Variants in FRMD6 observed in about 807,000 individuals in gnomAD.
FRMD6 encodes FERM domain-containing protein 6.
FRMD6 carries 37 observed loss-of-function variants against 73.2 expected under a neutral mutation model. The observed-to-expected ratio is 0.51, with a 90% CI of 0.39 to 0.66. FRMD6 has a LOEUF of 0.66. FRMD6 is among the 30% of genes least tolerant of loss of function. The pLI is 0.00. For synonymous variants in FRMD6, 273 were observed against 282.2 expected, an observed-to-expected ratio of 0.97 and a Z score of 0.33; for missense variants, 714 against 780.5, an observed-to-expected ratio of 0.91 and a Z score of 1.02.
chr14:51,489,213 A>G (rs138058786), exon 1 of FRMD6: 1 of 152,242 alleles, frequency 6.6e-6, no homozygotes, highest in Non-Finnish European at 1.5e-5. Flanking sequence ...TTTCTCTCCA[A>G]ACATTCTTCC....
chr14:51,437,772 A>T, the FRMD6 span, among the ~76,000 whole-genome samples: 1 of 152,162 alleles, frequency 6.6e-6, no homozygotes, highest in South Asian at 2.1e-4. Flanking sequence ...AATACAATGG[A>T]AAAAGTGTCT....
At chr14:51,446,434 T>G in the FRMD6 span, among the ~76,000 whole-genome samples, 2 of 16,558 alleles carry the variant, frequency 1.2e-4, no homozygotes, top group African/African-American at 5.8e-4. Flanking sequence ...GTAGTCCTTC[T>G]CTCTTGTGTA....
chr14:51,477,438 C>G, the FRMD6 span, among the ~76,000 whole-genome samples: 1 of 152,002 alleles, frequency 6.6e-6, no homozygotes, highest in Non-Finnish European at 1.5e-5. Context: ...TTTTAATTTG[C>G]AGCCCCATTG....
Position 51,715,517 on chromosome 14 carries a change from G to A in FRMD6, c.1024+18G>A. ...AAACGAAGGTATTGCAGGGTCTGGG[G>A]TGTGGAAGCAAATTGTACCTTTGCC... On this transcript the variant is annotated intron_variant, in intron 10 of 13. Coordinates refer to ENST00000344768, the MANE Select transcript of FRMD6 (RefSeq NM_001267046.2). The A allele has an allele frequency of 6.4e-7, 1 of 1,574,408 alleles. No individual in the cohort carries two copies. The highest frequency in any genetic ancestry group is 8.6e-7 in the Non-Finnish European group (1 of 1,157,756).
At chr14:51,627,480 G>C (rs1200947326) in intron 2 of FRMD6, among the ~76,000 whole-genome samples, 2 of 152,156 alleles carry the variant, frequency 1.3e-5, no homozygotes, top group African/African-American at 4.8e-5. Flanking sequence ...GTGACTGAGG[G>C]ACCAAGAGAT....
At chr14:51,685,363 A>G (rs984998870) in intron 1 of FRMD6, among the ~76,000 whole-genome samples, 2 of 152,188 alleles carry the variant, frequency 1.3e-5, no homozygotes, top group Non-Finnish European at 2.9e-5. Flanking sequence ...CATCAACTCT[A>G]TCAAGTACTC....
chr14:51,624,150 G>T (rs1234270275), intron 2 of FRMD6, among the ~76,000 whole-genome samples: 1 of 152,102 alleles, frequency 6.6e-6, no homozygotes. Context: ...CTACCAGAGG[G>T]CAGGGGATGG....
intron 1 of FRMD6, among the ~76,000 whole-genome samples, chr14:51,675,709 C>A (rs973643762): frequency 1.3e-5 from 2 of 151,958 alleles, no homozygotes; most frequent in Non-Finnish European, 2.9e-5. Flanking sequence ...GTAGGTTGTG[C>A]TTTTGATCTT....
chr14:51,413,373 T>A, the FRMD6 span, among the ~76,000 whole-genome samples: 1 of 152,174 alleles, frequency 6.6e-6, no homozygotes, highest in East Asian at 1.9e-4. Flanking sequence ...AGTGTTCTCA[T>A]TGTTCAGTTC....
chr14:51,406,238 T>A, the FRMD6 span, among the ~76,000 whole-genome samples: 1 of 152,202 alleles, frequency 6.6e-6, no homozygotes, highest in Non-Finnish European at 1.5e-5. Context: ...AGCCCTGTAG[T>A]ATAGTTTGAT....
intron 1 of FRMD6, among the ~76,000 whole-genome samples, chr14:51,535,847 T>C (rs1160657975): frequency 3.3e-5 from 5 of 152,054 alleles, no homozygotes. Flanking sequence ...CACATCCTTG[T>C]CTACACTTAT....
At chr14:51,567,397 A>C (rs984925242) in intron 1 of FRMD6, among the ~76,000 whole-genome samples, 1 of 152,250 alleles carries the variant, frequency 6.6e-6, no homozygotes. Flanking sequence ...CCCAGACTGG[A>C]GTACAGTGGA....
At chr14:51,569,558 C>T (rs1441979984) in intron 1 of FRMD6, among the ~76,000 whole-genome samples, 3 of 137,498 alleles carry the variant, frequency 2.2e-5, no homozygotes, top group African/African-American at 2.7e-5. Context: ...GGCTGGCGTG[C>T]AGTGGTGTGA....
the FRMD6 span, among the ~76,000 whole-genome samples, chr14:51,444,875 C>T: frequency 1.2e-4 from 19 of 152,120 alleles, no homozygotes; most frequent in African/African-American, 3.6e-4. Flanking sequence ...CCATCTGGCC[C>T]GAGATGAAGC....
intron 1 of FRMD6, among the ~76,000 whole-genome samples, chr14:51,566,174 C>A (rs547980793): frequency 6.6e-6 from 1 of 152,220 alleles, no homozygotes; most frequent in African/African-American, 2.4e-5. Context: ...CAAGACAAAG[C>A]CCACTGGGCT....
At chr14:51,411,628 T>C in the FRMD6 span, among the ~76,000 whole-genome samples, 1 of 152,206 alleles carries the variant, frequency 6.6e-6, no homozygotes, top group African/African-American at 2.4e-5. Context: ...TATGCACCCA[T>C]GGTTTGATAA....
At chr14:51,721,820 A>G (rs373099398) in intron 11 of FRMD6, 129 bp from the exon 12 acceptor site, 7 of 984,614 alleles carry the variant, frequency 7.1e-6, no homozygotes, top group South Asian at 4.9e-5. Flanking sequence ...GGAGTTTCCT[A>G]TTGGAGTCTC....
intron 2 of FRMD6, among the ~76,000 whole-genome samples, chr14:51,596,130 G>C (rs1414175678): frequency 6.6e-6 from 1 of 152,160 alleles, no homozygotes; most frequent in African/African-American, 2.4e-5. Context: ...CACAGCCTGG[G>C]ACTGAGTGAC....
At chr14:51,680,739 A>G (rs1170795638) in intron 1 of FRMD6, among the ~76,000 whole-genome samples, 1 of 147,054 alleles carries the variant, frequency 6.8e-6, no homozygotes, top group African/African-American at 2.6e-5. Flanking sequence ...GATGTGCTCA[A>G]TAAACGTTTA....
Sources: allele counts gnomAD v4.1 joint callset (sites outside exome capture counted in the v4.1 genomes callset), GRCh38; gene constraint gnomAD v4.1.1; transcripts MANE v1.5; gene names NCBI Gene and HGNC (gene_info 2026-07-23, HGNC 2026-07-21).